FAM169A: variants seen among roughly 807,000 people sequenced by gnomAD.
FAM169A encodes the protein family with sequence similarity 169 member A.
In FAM169A, 24 loss-of-function variants were observed where a neutral mutation model predicts 75.7. The observed-to-expected ratio is 0.32, with a 90% CI of 0.23 to 0.45. FAM169A has a LOEUF of 0.45. Among genes scored for constraint, FAM169A ranks in the 20% least tolerant of loss-of-function variants. The pLI is 1.00. For missense variants in FAM169A, 673 were observed against 784.0 expected (o/e 0.86, Z 1.69); for synonymous variants, 271 against 271.0 (o/e 1.00, Z 0.00).
chr5:74,860,823 G>C (rs899130680), intron 1 of FAM169A, among the ~76,000 whole-genome samples: 3 of 124,232 alleles, frequency 2.4e-5, no homozygotes, highest in Non-Finnish European at 4.8e-5. Context: ...ATGCAATGTA[G>C]CACTAAAAAA....
At chr5:74,793,503 G>A (rs112263786) in intron 11 of FAM169A, among the ~76,000 whole-genome samples, 1,560 of 152,216 alleles carry the variant, frequency 0.01, 18 homozygotes, top group South Asian at 0.021. Context: ...TGGGAGCTAA[G>A]CTATGAGGAG....
In FAM169A at chr5:74,813,862, T is replaced by C. The variant is rs956839358; in HGVS notation, c.648A>G (p.Pro216=). ...FTEDALGLRY[P]LSSLMYTACK... is the part of the protein sequence containing the mutation. ...TACCTGTATACATGAGAGAAGACAG[T>C]GGATACCGCAAGCCAAGCGCATCTT... The change falls in exon 6 of 13, where the codon CCA becomes CCG. Residue 216 remains proline, a synonymous_variant. Coordinates refer to ENST00000687041, the MANE Select transcript of FAM169A (RefSeq NM_001376049.1). The C allele has an allele frequency of 3.8e-6, 6 of 1,587,728 alleles. No homozygotes were observed. Among genetic ancestry groups the C allele is most frequent in the Admixed American group, 3.8e-5 (2 of 51,958 alleles).
intron 1 of FAM169A, among the ~76,000 whole-genome samples, chr5:74,849,277 G>GAAAA (rs1044896531): frequency 1.3e-5 from 2 of 152,070 alleles, no homozygotes; most frequent in Non-Finnish European, 2.9e-5. Context: ...AGAAAAGCAT[G>GAAAA]AAAAGAGTTA....
intron 6 of FAM169A, among the ~76,000 whole-genome samples, chr5:74,810,291 T>C (rs1747107073): frequency 6.6e-6 from 1 of 152,130 alleles, no homozygotes; most frequent in Non-Finnish European, 1.5e-5. Flanking sequence ...ACATCAGTGC[T>C]TGCCTGGAGT....
chr5:74,862,330 G>C (rs1305844704), intron 1 of FAM169A, among the ~76,000 whole-genome samples: 1 of 152,134 alleles, frequency 6.6e-6, no homozygotes, highest in Non-Finnish European at 1.5e-5. Context: ...ATGGGACCTG[G>C]GCCAGATCAA....
At chr5:74,866,838 T>C (rs1750373036), upstream of FAM169A, 1 of 985,388 alleles carries the variant, frequency 1.0e-6, no homozygotes, top group African/African-American at 1.7e-5. Context: ...GGCGCGGCCA[T>C]CCCGGCCTCG....
rs200414695 is a variant in FAM169A at position 74,784,510 on chromosome 5, C to CAAAAAA, written c.1261-1382_1261-1377dup. Among the ~76,000 whole-genome samples, 93 of 29,852 alleles carry CAAAAAA rather than the reference C, an allele frequency of 3.1e-3. 7 individuals carry two copies. Among genetic ancestry groups the CAAAAAA allele is most frequent in the African/African-American group, 5.9e-3 (29 of 4,896 alleles). The allele number at this position is 29,852 out of a possible 152,430, so 19.6% of individuals were successfully genotyped here. On this transcript the variant is annotated intron_variant, in intron 11 of 12. Coordinates refer to ENST00000687041, the MANE Select transcript of FAM169A (RefSeq NM_001376049.1). ...AGGGAGACAGAGCAAGACTCCGTCT[C>CAAAAAA]AAAAAAAAAAAAAAAAAAACAAGAA... is the stretch of plus-strand genomic sequence containing the variant.
Position 74,840,154 on chromosome 5 carries a change from T to C in FAM169A, c.152A>G (p.Asn51Ser), listed in dbSNP as rs764252136. The change falls in exon 3 of 13, where the codon AAT becomes AGT. Residue 51 changes from asparagine to serine, a missense_variant. Around this residue, in one of 3 missense-constraint regions of FAM169A, gnomAD observed 107 missense variants for 180.8 expected, o/e 0.59. Coordinates refer to ENST00000687041, the MANE Select transcript of FAM169A (RefSeq NM_001376049.1). ...LNITIPISLS[N>S]VGFVPLYGGD... ...ACCATAAAGAGGTACAAAGCCTACATTTGACAGGCTAATAGGAATCTGAAA... is the reference window on the plus strand; with the variant it reads ...ACCATAAAGAGGTACAAAGCCTACACTTGACAGGCTAATAGGAATCTGAAA... The C allele has an allele frequency of 6.3e-7, 1 of 1,582,942 alleles. No individual in the cohort carries two copies. The highest frequency in any genetic ancestry group is 8.6e-7 in the Non-Finnish European group (1 of 1,161,158).
intron 11 of FAM169A, among the ~76,000 whole-genome samples, chr5:74,785,334 A>G (rs983847063): frequency 1.3e-5 from 2 of 152,218 alleles, no homozygotes; most frequent in Admixed American, 1.3e-4. Flanking sequence ...AAAAAAAAGA[A>G]AACCCCACAA....
chr5:74,790,972 C>T (rs1418769264), intron 11 of FAM169A, among the ~76,000 whole-genome samples: 2 of 152,172 alleles, frequency 1.3e-5, no homozygotes, highest in Admixed American at 6.6e-5. Context: ...AATGCTTCTG[C>T]CAAGACTACC....
chr5:74,791,208 T>C (rs887337766), intron 11 of FAM169A, among the ~76,000 whole-genome samples: 1 of 152,192 alleles, frequency 6.6e-6, no homozygotes, highest in Admixed American at 6.5e-5. Context: ...TGATAATACT[T>C]AGCAGGGCTG....
In FAM169A at chr5:74,791,550, A is replaced by G. The variant is rs547334516; in HGVS notation, c.1260+4480T>C. On this transcript the variant is annotated intron_variant, in intron 11 of 12. Transcript: ENST00000687041. ...AAGTCAACAGGCTAAGGAGGGAGTT[A>G]CAGTGTTGGCTGGGGTGACTGACCC... is the stretch of plus-strand genomic sequence containing the variant. Among the ~76,000 whole-genome samples the G allele has an allele frequency of 1.7e-4, 26 of 152,346 alleles. No individual in the cohort carries two copies. In the Middle Eastern group the frequency reaches 0.02, roughly 120 times the overall value.
At chr5:74,854,312 T>C (rs1379687119) in intron 1 of FAM169A, among the ~76,000 whole-genome samples, 1 of 152,036 alleles carries the variant, frequency 6.6e-6, no homozygotes, top group African/African-American at 2.4e-5. Flanking sequence ...GGAGAACTGC[T>C]TGAACCTAGG....
intron 2 of FAM169A, among the ~76,000 whole-genome samples, chr5:74,840,722 G>A (rs933846342): frequency 2.6e-5 from 4 of 151,338 alleles, no homozygotes; most frequent in African/African-American, 4.9e-5. Flanking sequence ...CTAGCTACTC[G>A]GGAGGCTAAG....
At chr5:74,808,472 A>G (rs1392477526) in intron 6 of FAM169A, among the ~76,000 whole-genome samples, 1 of 152,124 alleles carries the variant, frequency 6.6e-6, no homozygotes, top group African/African-American at 2.4e-5. Flanking sequence ...CTACCAGAAG[A>G]TGGGGGTAGG....
chr5:74,836,059 T>G (rs745539269), intron 4 of FAM169A, among the ~76,000 whole-genome samples: 1 of 152,178 alleles, frequency 6.6e-6, no homozygotes, highest in African/African-American at 2.4e-5. Flanking sequence ...TTGCTCCAGA[T>G]CCATAACATC....
intron 1 of FAM169A, among the ~76,000 whole-genome samples, chr5:74,854,230 C>T (rs187850079): frequency 1.5e-3 from 234 of 152,088 alleles, no homozygotes; most frequent in African/African-American, 5.4e-3. Flanking sequence ...CTCATCTCTA[C>T]TAAAAATACA....
At chr5:74,796,874 T>C (rs1245763561) in intron 10 of FAM169A, among the ~76,000 whole-genome samples, 5 of 152,308 alleles carry the variant, frequency 3.3e-5, no homozygotes, top group Middle Eastern at 6.8e-3. Flanking sequence ...TTCTCAAAAA[T>C]GTCACCTTGG....
In FAM169A at chr5:74,866,187, C is replaced by A; in HGVS notation, c.-26G>T. ...CACCTCAGACGCGCCCCGGGAGCCGCTGGAAGAGCCCGGGAAAGGAGGCGG... is the reference window on the plus strand; with the variant it reads ...CACCTCAGACGCGCCCCGGGAGCCGATGGAAGAGCCCGGGAAAGGAGGCGG... On this transcript the variant is annotated 5_prime_UTR_variant, in exon 1 of 13. Coordinates refer to ENST00000687041, the MANE Select transcript of FAM169A (RefSeq NM_001376049.1). The A allele has an allele frequency of 1.0e-6, 1 of 984,276 alleles. No individual in the cohort carries two copies. The highest frequency in any genetic ancestry group is 1.2e-6 in the Non-Finnish European group (1 of 829,554). The allele number at this position is 984,276 out of a possible 1,614,324, so 61.0% of individuals were successfully genotyped here. A position where few individuals can be genotyped will look rare whatever the true frequency, so the allele number is the denominator to read the frequency against.
Sources: allele counts gnomAD v4.1 joint callset (sites outside exome capture counted in the v4.1 genomes callset), GRCh38; gene constraint gnomAD v4.1.1; regional missense constraint gnomAD v4.1.1; transcripts MANE v1.5; gene names NCBI Gene and HGNC (gene_info 2026-07-23, HGNC 2026-07-21).